The following RNPC3 variants were observed in gnomAD, a reference collection of about 807,000 sequenced individuals.
The protein encoded by RNPC3 is RNA binding region (RNP1, RRM) containing 3, also known as RNA-binding region-containing protein 3.
In RNPC3, 48 loss-of-function variants were observed where a neutral mutation model predicts 67.5. That is an observed-to-expected ratio of 0.71 (90% CI 0.56 to 0.90). RNPC3 has a LOEUF of 0.90. Among genes scored for constraint, RNPC3 ranks in the 40% least tolerant of loss-of-function variants. The pLI, the probability that RNPC3 is intolerant of heterozygous loss-of-function variation, is 0.00. For missense variants in RNPC3, 637 were observed against 626.1 expected, an observed-to-expected ratio of 1.02 and a Z score of -0.19; for synonymous variants, 239 against 210.3, an observed-to-expected ratio of 1.14 and a Z score of -1.18.
At chr1:103,533,716 T>TA in intron 2 of RNPC3, 23 bp from the exon 3 acceptor site, 1 of 1,238,904 alleles carries the variant, frequency 8.1e-7, no homozygotes, top group Admixed American at 2.0e-5. Flanking sequence ...GTGAAATGTT[T>TA]ACTCTTGTTC....
At chr1:103,547,345 G>A (rs1344391131) in intron 12 of RNPC3, among the ~76,000 whole-genome samples, 2 of 152,186 alleles carry the variant, frequency 1.3e-5, no homozygotes, top group African/African-American at 4.8e-5. Context: ...TCATGGCTGT[G>A]TTCTAATAAA....
At chr1:103,552,591 C>G (rs1046166937) in intron 14 of RNPC3, 7 of 152,110 alleles carry the variant, frequency 4.6e-5, no homozygotes, top group African/African-American at 1.7e-4. Flanking sequence ...GAAACCGACT[C>G]TCTACTAAAA....
intron 6 of RNPC3, 93 bp from the exon 7 acceptor site, chr1:103,537,249 A>G (rs11590775): frequency 2.3e-6 from 2 of 853,852 alleles, no homozygotes; most frequent in East Asian, 5.6e-5. Context: ...AAAAAAGACC[A>G]TGTGATAGAA....
In RNPC3 at chr1:103,534,808, A is replaced by G. The variant is rs1352270123; in HGVS notation, c.394A>G (p.Lys132Glu). The G allele has an allele frequency of 1.3e-6, 2 of 1,532,772 alleles. No individual in the cohort carries two copies. Among genetic ancestry groups the G allele is most frequent in the Non-Finnish European group, 1.7e-6 (2 of 1,144,890 alleles). The allele number at this position is 1,532,772 out of a possible 1,614,324, so 94.9% of individuals were successfully genotyped here. A position where few individuals can be genotyped will look rare whatever the true frequency, so the allele number is the denominator to read the frequency against. ...CCCTGTCGAAGATGATAAAGAAAAA[A>G]AAGAACTTGGTTATTTAACAGTAGA... is the stretch of plus-strand genomic sequence containing the variant. Reference protein sequence around the residue: ...DDPVEDDKEKKELGYLTVENG... With the variant: ...DDPVEDDKEKEELGYLTVENG... The change falls in exon 4 of 15, where the codon AAA becomes GAA. Residue 132 changes from lysine (K) to glutamate (E), a missense_variant. Lys to Glu is a moderately conservative substitution (Grantham distance 56). This residue lies in a region of RNPC3 where 536 missense variants were observed against 500.3 expected (regional missense o/e 1.07). Transcript: ENST00000423855.
chr1:103,525,824 G>T lies in RNPC3; in HGVS notation c.-247G>T. ...CACATCTCTGGGCCAATTTTTGCTT[G>T]TAAGTCTTTCCGGAGACCCCTGGAA... On this transcript the variant is annotated 5_prime_UTR_variant, in exon 1 of 15. Transcript: ENST00000423855. 1 of 436,626 alleles carries T rather than the reference G, an allele frequency of 2.3e-6. No individual in the cohort carries two copies. The highest frequency in any genetic ancestry group is 4.1e-6 in the Non-Finnish European group (1 of 243,330). The allele number at this position is 436,626 out of a possible 1,614,324, so 27.0% of individuals were successfully genotyped here. A position where few individuals can be genotyped will look rare whatever the true frequency, so the allele number is the denominator to read the frequency against.
At chr1:103,530,613 A>C (rs1285701292) in intron 2 of RNPC3, among the ~76,000 whole-genome samples, 1 of 152,174 alleles carries the variant, frequency 6.6e-6, no homozygotes, top group Non-Finnish European at 1.5e-5. Flanking sequence ...AGGAACTTAG[A>C]TTGCTGTCAG....
chr1:103,537,866 G>A (rs1392541123), intron 7 of RNPC3, among the ~76,000 whole-genome samples: 5 of 151,434 alleles, frequency 3.3e-5, no homozygotes, highest in African/African-American at 4.9e-5. Flanking sequence ...TTTTTGATAC[G>A]GAGTTTCGCT....
intron 7 of RNPC3, among the ~76,000 whole-genome samples, chr1:103,538,195 T>C: frequency 6.6e-6 from 1 of 152,188 alleles, no homozygotes; most frequent in Admixed American, 6.6e-5. Flanking sequence ...TACCATGTGA[T>C]GAAAAATTTG....
intron 2 of RNPC3, among the ~76,000 whole-genome samples, chr1:103,528,308 G>T (rs1288645450): frequency 6.6e-6 from 1 of 152,078 alleles, no homozygotes; most frequent in Admixed American, 6.5e-5. Context: ...CTTTTGAGCT[G>T]GCTCATAATA....
At chr1:103,549,129 C>T (rs1021514919) in intron 12 of RNPC3, among the ~76,000 whole-genome samples, 18 of 152,226 alleles carry the variant, frequency 1.2e-4, no homozygotes, top group African/African-American at 4.1e-4. Flanking sequence ...AGAGCCAAAC[C>T]ATATCAGCTA....
intron 5 of RNPC3, 58 bp from the exon 6 acceptor site, chr1:103,536,068 A>C: frequency 7.7e-7 from 1 of 1,293,342 alleles, no homozygotes. Context: ...AGTACATAAA[A>C]TACAAGATGT....
chr1:103,526,907 T>G (rs1234063283), intron 1 of RNPC3, among the ~76,000 whole-genome samples: 3 of 152,158 alleles, frequency 2.0e-5, no homozygotes, highest in Non-Finnish European at 4.4e-5. Flanking sequence ...GACTCAGTGG[T>G]TTTAAAGTTT....
At chr1:103,553,567 C>A (rs1382202453) in intron 14 of RNPC3, 1 of 152,124 alleles carries the variant, frequency 6.6e-6, no homozygotes, top group East Asian at 1.9e-4. Context: ...GGTCAACTTA[C>A]TTAGAGAATG....
intron 7 of RNPC3, among the ~76,000 whole-genome samples, chr1:103,538,189 A>C (rs1418764787): frequency 5.9e-5 from 9 of 152,164 alleles, no homozygotes; most frequent in African/African-American, 2.4e-5. Flanking sequence ...ACATTGTACC[A>C]TGTGATGAAA....
chr1:103,542,418 C>T (rs1051356206), intron 8 of RNPC3, among the ~76,000 whole-genome samples: 3 of 151,880 alleles, frequency 2.0e-5, no homozygotes, highest in Non-Finnish European at 4.4e-5. Flanking sequence ...GAAACCTCCC[C>T]TAAATGTTAG....
At chr1:103,530,208 T>C in intron 2 of RNPC3, among the ~76,000 whole-genome samples, 1 of 152,072 alleles carries the variant, frequency 6.6e-6, no homozygotes, top group Non-Finnish European at 1.5e-5. Flanking sequence ...ACAAAGATGA[T>C]TATAGTTCAT....
chr1:103,542,828 G>C (rs1028699325), intron 8 of RNPC3, among the ~76,000 whole-genome samples: 2 of 151,396 alleles, frequency 1.3e-5, no homozygotes, highest in African/African-American at 4.8e-5. Flanking sequence ...TAATATTTTG[G>C]ATATAATGAG....
At chr1:103,548,105 C>G (rs1651290494) in intron 12 of RNPC3, among the ~76,000 whole-genome samples, 1 of 152,176 alleles carries the variant, frequency 6.6e-6, no homozygotes, top group Admixed American at 6.5e-5. Context: ...GCCCGGCCCA[C>G]AAAATCACTT....
At chr1:103,546,853 TATTAG>T in intron 11 of RNPC3, 119 bp from the exon 12 acceptor site, 1 of 535,210 alleles carries the variant, frequency 1.9e-6, no homozygotes, top group Non-Finnish European at 3.2e-6. Context: ...CCACCAGTCA[TATTAG>T]ATTAAAGCCT....
Sources: gnomAD v4.1 joint callset for allele counts (sites outside exome capture counted in the v4.1 genomes callset) on GRCh38, gnomAD v4.1.1 for gene constraint, gnomAD v4.1.1 regional missense constraint, MANE v1.5 for transcripts, NCBI Gene and HGNC (gene_info 2026-07-23, HGNC 2026-07-21) for gene names.